TMEM132C: variants seen among roughly 807,000 people sequenced by gnomAD.
TMEM132C encodes protein phosphatase 1, regulatory subunit 152.
TMEM132C carries 29 observed loss-of-function variants against 61.4 expected under a neutral mutation model. The ratio of observed to expected loss-of-function variants is 0.47; its 90% CI spans 0.35 to 0.64. The LOEUF is 0.64. TMEM132C is among the 30% of genes least tolerant of loss of function. The pLI, the probability that TMEM132C is intolerant of heterozygous loss-of-function variation, is 0.00. For missense variants in TMEM132C, 1,408 were observed against 1,476.9 expected, an observed-to-expected ratio of 0.95 and a Z score of 0.76; for synonymous variants, 656 against 633.1, an observed-to-expected ratio of 1.04 and a Z score of -0.54.
intron 1 of TMEM132C, among the ~76,000 whole-genome samples, chr12:128,320,570 A>C (rs1399231602): frequency 6.6e-6 from 1 of 152,186 alleles, no homozygotes; most frequent in Admixed American, 6.5e-5. Context: ...GTTTGAGAAC[A>C]GCCTGGGAAA....
intron 1 of TMEM132C, among the ~76,000 whole-genome samples, chr12:128,359,326 G>A (rs1301143773): frequency 6.6e-6 from 1 of 152,190 alleles, no homozygotes; most frequent in Non-Finnish European, 1.5e-5. Flanking sequence ...AGACAAGAGA[G>A]AGCATGTGCA....
chr12:128,617,841 A>C (rs190835769), intron 4 of TMEM132C, among the ~76,000 whole-genome samples: 21 of 152,334 alleles, frequency 1.4e-4, no homozygotes, highest in Non-Finnish European at 2.1e-4. Flanking sequence ...GGTATCATCT[A>C]CCATAAAGAT....
chr12:128,418,260 G>A (rs1047553147), intron 2 of TMEM132C, among the ~76,000 whole-genome samples: 8 of 152,168 alleles, frequency 5.3e-5, no homozygotes, highest in Non-Finnish European at 1.2e-4. Flanking sequence ...AACGAATAGG[G>A]AACAAACAAA....
chr12:128,491,397 C>T lies in TMEM132C; in HGVS notation c.975-52560C>T, dbSNP rs566099911. On this transcript the variant is annotated intron_variant, in intron 2 of 8. Coordinates refer to ENST00000435159, the MANE Select transcript of TMEM132C (RefSeq NM_001136103.3). ...TCCGGCGGCCCTGCCTTGGTCAGCA[C>T]GGAGCAGCACATACATCTCAGCAAT... 2.6e-5 allele frequency among the ~76,000 whole-genome samples: 4 copies of T among 152,288 alleles called. No individual in the cohort carries two copies. In the South Asian group the frequency reaches 6.2e-4, roughly 24 times the overall value.
At chr12:128,471,415 C>T (rs1055904558) in intron 2 of TMEM132C, among the ~76,000 whole-genome samples, 1 of 152,110 alleles carries the variant, frequency 6.6e-6, no homozygotes, top group Non-Finnish European at 1.5e-5. Context: ...AATTATGGCC[C>T]ACGACCTCCA....
intron 2 of TMEM132C, among the ~76,000 whole-genome samples, chr12:128,423,060 A>G (rs1226690219): frequency 3.9e-5 from 6 of 152,210 alleles, no homozygotes; most frequent in African/African-American, 1.4e-4. Context: ...TGGAGCCTTC[A>G]GGACATAAAT....
chr12:128,699,870 A>G (rs956071347), intron 8 of TMEM132C, among the ~76,000 whole-genome samples: 3 of 152,172 alleles, frequency 2.0e-5, no homozygotes, highest in African/African-American at 7.2e-5. Context: ...CCTGGGGTGC[A>G]TGCAGGTCCT....
intron 1 of TMEM132C, among the ~76,000 whole-genome samples, chr12:128,349,917 G>GTACA (rs1491222294): frequency 6.6e-5 from 3 of 45,418 alleles, no homozygotes; most frequent in African/African-American, 1.3e-4. Context: ...AACACGTACC[G>GTACA]TACACACACA....
intron 2 of TMEM132C, among the ~76,000 whole-genome samples, chr12:128,487,673 C>T (rs1473733355): frequency 6.6e-5 from 10 of 150,438 alleles, no homozygotes; most frequent in Non-Finnish European, 4.4e-5. Context: ...ACGTGAAAGA[C>T]GTAGATCTTA....
At chr12:128,357,864 A>G (rs1202737988) in intron 1 of TMEM132C, among the ~76,000 whole-genome samples, 2 of 147,658 alleles carry the variant, frequency 1.4e-5, no homozygotes, top group Admixed American at 6.7e-5. Flanking sequence ...CTCCGTCCAC[A>G]GCACATCACA....
intron 3 of TMEM132C, among the ~76,000 whole-genome samples, chr12:128,577,755 C>A (rs1344525484): frequency 6.6e-6 from 1 of 152,170 alleles, no homozygotes; most frequent in African/African-American, 2.4e-5. Context: ...CCTTTAACTC[C>A]CCCCAGGGCC....
chr12:128,341,371 G>A (rs1309012825), intron 1 of TMEM132C, among the ~76,000 whole-genome samples: 2 of 152,188 alleles, frequency 1.3e-5, no homozygotes, highest in African/African-American at 4.8e-5. Flanking sequence ...AGTAGTAAAG[G>A]AAGATAAAAG....
chr12:128,472,673 A>G (rs904328536), intron 2 of TMEM132C, among the ~76,000 whole-genome samples: 1 of 152,208 alleles, frequency 6.6e-6, no homozygotes, highest in Non-Finnish European at 1.5e-5. Context: ...AGGAAGCTCT[A>G]TGGGCTGACA....
chr12:128,394,780 G>A (rs991041312), intron 1 of TMEM132C, among the ~76,000 whole-genome samples: 10 of 152,064 alleles, frequency 6.6e-5, no homozygotes, highest in African/African-American at 2.4e-4. Context: ...ACACGGGATA[G>A]TATATATATC....
At chr12:128,387,494 A>C (rs1285719041) in intron 1 of TMEM132C, among the ~76,000 whole-genome samples, 1 of 152,164 alleles carries the variant, frequency 6.6e-6, no homozygotes. Flanking sequence ...AAGGAACCAA[A>C]TTGTTCTCAA....
At chr12:128,646,925 T>G (rs1353648926) in intron 4 of TMEM132C, among the ~76,000 whole-genome samples, 1 of 147,780 alleles carries the variant, frequency 6.8e-6, no homozygotes, top group South Asian at 2.2e-4. Context: ...AGTCCATCAG[T>G]GTTGGATGTG....
chr12:128,611,909 GC>G (rs1482260040), intron 3 of TMEM132C, among the ~76,000 whole-genome samples: 1 of 152,130 alleles, frequency 6.6e-6, no homozygotes, highest in Non-Finnish European at 1.5e-5. Context: ...ACACCAAATC[GC>G]CCAGTGACTC....
chr12:128,704,405 C>T (rs1023547614), intron 8 of TMEM132C, among the ~76,000 whole-genome samples: 6 of 152,180 alleles, frequency 3.9e-5, no homozygotes, highest in African/African-American at 1.2e-4. Flanking sequence ...AAGGGCAGCA[C>T]AATTGAACCG....
At chr12:128,588,895 C>A (rs1036948750) in intron 3 of TMEM132C, among the ~76,000 whole-genome samples, 1 of 152,132 alleles carries the variant, frequency 6.6e-6, no homozygotes, top group Non-Finnish European at 1.5e-5. Context: ...AGCCAAGATA[C>A]CTGGTGTAAG....
Sources: allele counts gnomAD v4.1 joint callset (sites outside exome capture counted in the v4.1 genomes callset), GRCh38; gene constraint gnomAD v4.1.1; transcripts MANE v1.5; gene names NCBI Gene and HGNC (gene_info 2026-07-23, HGNC 2026-07-21).